Variants in KCNB2 observed in about 807,000 individuals in gnomAD.
KCNB2 encodes the protein potassium voltage-gated channel subfamily B member 2.
KCNB2 carries 15 observed loss-of-function variants against 61.5 expected under a neutral mutation model. The observed-to-expected ratio is 0.24, with a 90% CI of 0.16 to 0.38. The LOEUF (loss-of-function observed/expected upper bound fraction) is 0.38. Ranked by LOEUF, KCNB2 falls within the 10% of genes least tolerant of loss-of-function variation. The probability of loss-of-function intolerance (pLI) is 1.00; values close to 1 mark genes in which losing one functional copy is unlikely to be tolerated. For synonymous variants in KCNB2, 457 were observed against 446.0 expected (o/e 1.02, Z -0.31); for missense variants, 828 against 1,125.2 (o/e 0.74, Z 3.78).
chr8:72,590,735 T>G (rs1807084048), intron 2 of KCNB2, among the ~76,000 whole-genome samples: 3 of 152,182 alleles, frequency 2.0e-5, no homozygotes, highest in Admixed American at 6.5e-5. Flanking sequence ...ACAAGATGAA[T>G]GCATTCTATT....
Position 72,937,975 on chromosome 8 carries a change from G to A in KCNB2, c.2620G>A (p.Val874Ile), listed in dbSNP as rs1402763545. 25 of 1,613,984 alleles carry A rather than the reference G, an allele frequency of 1.5e-5. No homozygotes were observed. The highest frequency in any genetic ancestry group is 4.0e-5 in the African/African-American group (3 of 74,900). ...RQDIYHAVSE[V>I]KKDSSQEGCK... ...AGACATTTACCATGCTGTGAGTGAA[G>A]TCAAAAAGGACAGTAGTCAAGAAGG... Residue 874 changes from valine (V) to isoleucine (I), a missense_variant, in exon 3 of 3, where the codon GTC becomes ATC. By Grantham distance (29) the Val-to-Ile change is conservative. Coordinates refer to ENST00000523207, the MANE Select transcript of KCNB2 (RefSeq NM_004770.3).
intron 2 of KCNB2, among the ~76,000 whole-genome samples, chr8:72,673,882 C>T (rs1563555694): frequency 6.6e-6 from 1 of 152,130 alleles, no homozygotes; most frequent in Non-Finnish European, 1.5e-5. Flanking sequence ...CTTGATTTCA[C>T]AACAATGTGA....
chr8:72,549,624 T>C (rs2128977176), intron 1 of KCNB2, among the ~76,000 whole-genome samples: 1 of 152,252 alleles, frequency 6.6e-6, no homozygotes, highest in African/African-American at 2.4e-5. Context: ...AATAAACAAC[T>C]AGCCATCCCT....
intron 2 of KCNB2, among the ~76,000 whole-genome samples, chr8:72,807,440 A>G (rs185220368): frequency 6.6e-6 from 1 of 152,146 alleles, no homozygotes; most frequent in Non-Finnish European, 1.5e-5. Context: ...GCTAATATAG[A>G]TCTTGTTGAT....
At chr8:72,555,228 G>T (rs2128977660) in intron 1 of KCNB2, among the ~76,000 whole-genome samples, 1 of 151,928 alleles carries the variant, frequency 6.6e-6, no homozygotes, top group East Asian at 1.9e-4. Context: ...GAAATAATGA[G>T]AATTCTCACC....
intron 2 of KCNB2, among the ~76,000 whole-genome samples, chr8:72,914,113 C>T (rs926995962): frequency 1.3e-5 from 2 of 152,120 alleles, no homozygotes. Context: ...GGGCTCATTT[C>T]TTTGTTTGTA....
chr8:72,694,767 A>G (rs1806991407), intron 2 of KCNB2, among the ~76,000 whole-genome samples: 1 of 151,932 alleles, frequency 6.6e-6, no homozygotes, highest in African/African-American at 2.4e-5. Context: ...GAGCATCTGT[A>G]TGGCCATCTT....
intron 2 of KCNB2, among the ~76,000 whole-genome samples, chr8:72,911,977 C>T (rs968484942): frequency 1.3e-5 from 2 of 152,128 alleles, no homozygotes; most frequent in Non-Finnish European, 2.9e-5. Flanking sequence ...ATAATGGTAC[C>T]AACCTTAAAA....
rs188447351 is a variant in KCNB2, at chr8:72,669,831, C to T, written c.579+101518C>T. Among the ~76,000 whole-genome samples, 139 of 152,344 alleles carry T rather than the reference C, an allele frequency of 9.1e-4. 1 individual carries two copies. Among genetic ancestry groups the T allele is most frequent in the African/African-American group, 3.3e-3 (137 of 41,576 alleles). ...ACCTAGGACTACCCCATGCCAGCCT[C>T]GTTGCCTACTTTTTCCAGCCCTCAT... On this transcript the variant is annotated intron_variant, in intron 2 of 2. Transcript: ENST00000523207.
At chr8:72,770,729 T>G (rs1808544148) in intron 2 of KCNB2, among the ~76,000 whole-genome samples, 1 of 152,226 alleles carries the variant, frequency 6.6e-6, no homozygotes, top group Admixed American at 6.5e-5. Flanking sequence ...CAGCACAAAT[T>G]AAGTGCTCAA....
chr8:72,820,551 G>C (rs1410406000), intron 2 of KCNB2, among the ~76,000 whole-genome samples: 1 of 151,782 alleles, frequency 6.6e-6, no homozygotes, highest in Admixed American at 6.6e-5. Context: ...ATTGTATCTA[G>C]ATATACTTCC....
chr8:72,901,797 A>G (rs1006636694), intron 2 of KCNB2, among the ~76,000 whole-genome samples: 1 of 152,126 alleles, frequency 6.6e-6, no homozygotes, highest in South Asian at 2.1e-4. Context: ...AGGCTGCACT[A>G]TTTTGCATTC....
intron 2 of KCNB2, among the ~76,000 whole-genome samples, chr8:72,893,239 G>T (rs1805931277): frequency 6.6e-6 from 1 of 151,644 alleles, no homozygotes. Flanking sequence ...TCGTCAGTTT[G>T]CTCTCTGGGC....
chr8:72,602,575 T>G (rs1805371258), intron 2 of KCNB2, among the ~76,000 whole-genome samples: 1 of 152,192 alleles, frequency 6.6e-6, no homozygotes, highest in African/African-American at 2.4e-5. Context: ...GGCACTATCT[T>G]TTGCATAGTA....
intron 2 of KCNB2, among the ~76,000 whole-genome samples, chr8:72,575,070 C>T (rs1185796520): frequency 6.6e-6 from 1 of 152,052 alleles, no homozygotes; most frequent in Non-Finnish European, 1.5e-5. Context: ...GGGCATATAC[C>T]TGGACTTCAG....
At chr8:72,626,646 G>T (rs770290927) in intron 2 of KCNB2, among the ~76,000 whole-genome samples, 1 of 152,154 alleles carries the variant, frequency 6.6e-6, no homozygotes, top group Non-Finnish European at 1.5e-5. Flanking sequence ...GAATAGAAGA[G>T]ACTAAACCTT....
intron 2 of KCNB2, among the ~76,000 whole-genome samples, chr8:72,868,704 G>T (rs935176831): frequency 1.3e-5 from 2 of 152,196 alleles, no homozygotes; most frequent in South Asian, 2.1e-4. Flanking sequence ...TGCTACCTTA[G>T]TTGCCTGAGT....
intron 2 of KCNB2, among the ~76,000 whole-genome samples, chr8:72,754,791 T>G (rs1160414939): frequency 1.3e-5 from 2 of 152,136 alleles, no homozygotes; most frequent in Non-Finnish European, 2.9e-5. Flanking sequence ...GTAAACACAT[T>G]CAGTTGAAAA....
chr8:72,903,325 AC>A (rs1806119083), intron 2 of KCNB2, among the ~76,000 whole-genome samples: 1 of 152,142 alleles, frequency 6.6e-6, no homozygotes, highest in African/African-American at 2.4e-5. Flanking sequence ...CCTGGCAGGG[AC>A]TGCTGGTAGG....
Sources: gnomAD v4.1 joint callset for allele counts (sites outside exome capture counted in the v4.1 genomes callset) on GRCh38, gnomAD v4.1.1 for gene constraint, MANE v1.5 for transcripts, NCBI Gene and HGNC (gene_info 2026-07-23, HGNC 2026-07-21) for gene names.